The following MTOR variants were observed in gnomAD, a reference collection of about 807,000 sequenced individuals.
The protein encoded by MTOR is serine/threonine-protein kinase mTOR.
A neutral mutation model predicts 319.8 loss-of-function variants in MTOR; 70 were observed. The ratio of observed to expected loss-of-function variants is 0.22; its 90% CI spans 0.18 to 0.27. MTOR has a LOEUF of 0.27. Among genes scored for constraint, MTOR ranks in the 10% least tolerant of loss-of-function variants. The pLI, the probability that MTOR is intolerant of heterozygous loss-of-function variation, is 1.00. For missense variants in MTOR, 1,890 were observed against 3,274.4 expected (o/e 0.58, Z 10.32); for synonymous variants, 1,183 against 1,211.4 (o/e 0.98, Z 0.49).
At chr1:11,251,650 AGTTT>A (rs1279288363) in intron 6 of MTOR, among the ~76,000 whole-genome samples, 1 of 137,654 alleles carries the variant, frequency 7.3e-6, no homozygotes, top group Non-Finnish European at 1.5e-5. Flanking sequence ...ATATTTAGAT[AGTTT>A]CTTTTTTTTT....
At chr1:11,116,875 G>A (rs1329864379) in intron 50 of MTOR, 129 bp downstream of exon 50, 4 of 697,372 alleles carry the variant, frequency 5.7e-6, no homozygotes, top group Non-Finnish European at 9.9e-6. Context: ...TTGTAAAAGA[G>A]ACCTTACATA....
intron 28 of MTOR, among the ~76,000 whole-genome samples, chr1:11,171,050 C>A (rs1328867133): frequency 6.6e-6 from 1 of 150,890 alleles, no homozygotes. Flanking sequence ...CAAAAATTAG[C>A]TGGGCGTGGT....
Position 11,241,780 on chromosome 1 carries a change from A to G in MTOR, c.1413-99T>C, listed in dbSNP as rs1648069037. 3 of 1,421,784 alleles carry G rather than the reference A, an allele frequency of 2.1e-6. No homozygotes were observed. The African/African-American group carries it at 4.2e-5, about 20-fold the overall frequency. The allele number at this position is 1,421,784 out of a possible 1,614,324, so 88.1% of individuals were successfully genotyped here. A position where few individuals can be genotyped will look rare whatever the true frequency, so the allele number is the denominator to read the frequency against. On this transcript the variant is annotated intron_variant, in intron 9 of 57. Coordinates refer to ENST00000361445, the MANE Select transcript of MTOR (RefSeq NM_004958.4). The stretch of plus-strand genomic sequence containing the variant: ...GGCAAGGAGAGCAGGTTACTCAGGC[A>G]GGGCTACCACAGATGGGTATGCAAA...
intron 30 of MTOR, among the ~76,000 whole-genome samples, chr1:11,154,068 CAAAAAAAAAAAAAAAAAAAAA>C (rs70977548): frequency 3.1e-4 from 4 of 13,054 alleles, no homozygotes; most frequent in African/African-American, 5.2e-4. Context: ...GACTCTGTCT[CAAAAAAAAAAAAAAAAAAAAA>C]AAAAAAAAAA....
chr1:11,114,793 C>T lies in MTOR; in HGVS notation c.7164+20G>A, dbSNP rs1148477. On this transcript the variant is annotated intron_variant, in intron 52 of 57. Transcript: ENST00000361445. ...GTCCTGATCCCATTTGGAAGCAGCT[C>T]GTTCCCGATATCCACTCACCTCCAT... 3,356 of 1,612,142 alleles carry T rather than the reference C, an allele frequency of 2.1e-3. 90 individuals carry two copies. The African/African-American group carries it at 0.039, about 19-fold the overall frequency.
At chr1:11,232,811 G>T (rs965289014) in intron 15 of MTOR, among the ~76,000 whole-genome samples, 3 of 150,934 alleles carry the variant, frequency 2.0e-5, no homozygotes, top group African/African-American at 7.3e-5. Flanking sequence ...GGAGATGGAG[G>T]TTGCAGTGAG....
intron 13 of MTOR, among the ~76,000 whole-genome samples, chr1:11,236,609 G>A (rs1647261733): frequency 6.6e-6 from 1 of 150,988 alleles, no homozygotes; most frequent in Non-Finnish European, 1.5e-5. Flanking sequence ...CTGGGTTCAA[G>A]CAATTCTCCC....
At chr1:11,224,279 A>G (rs10779751) in intron 19 of MTOR, among the ~76,000 whole-genome samples, 97,690 of 151,898 alleles carry the variant, frequency 0.64, 33,766 homozygotes, top group East Asian at 0.91. Flanking sequence ...AAAAGCTGGT[A>G]CAGCTATATT....
Position 11,210,997 on chromosome 1 carries a change from C to G in MTOR, c.3562-91G>C, listed in dbSNP as rs1432776245. 1.2e-5 allele frequency: 9 copies of G among 738,980 alleles called. 1 individual carries two copies. The Admixed American group carries it at 1.4e-4, about 11-fold the overall frequency. The allele number at this position is 738,980 out of a possible 1,614,324, so 45.8% of individuals were successfully genotyped here. On this transcript the variant is annotated intron_variant, in intron 23 of 57. Coordinates refer to ENST00000361445, the MANE Select transcript of MTOR (RefSeq NM_004958.4). ...AAATATTATACAACTACATTATGAC[C>G]ATTTCTTCTGGGTTTGTGGCTAGCT... is the stretch of plus-strand genomic sequence containing the variant.
At chr1:11,156,635 A>G (rs992201101) in intron 30 of MTOR, among the ~76,000 whole-genome samples, 2 of 152,128 alleles carry the variant, frequency 1.3e-5, no homozygotes, top group African/African-American at 4.8e-5. Context: ...CTCAGGCTAT[A>G]ATAACCCTCT....
chr1:11,136,539 A>T (rs543794655), intron 36 of MTOR, among the ~76,000 whole-genome samples: 5 of 152,230 alleles, frequency 3.3e-5, no homozygotes, highest in Admixed American at 2.0e-4. Context: ...TCACTCTGTT[A>T]CCCAGGCTGG....
chr1:11,227,994 G>A (rs1352128791), intron 19 of MTOR, among the ~76,000 whole-genome samples: 1 of 152,080 alleles, frequency 6.6e-6, no homozygotes, highest in Non-Finnish European at 1.5e-5. Flanking sequence ...CCAACTGGTG[G>A]CAGTATGAGA....
chr1:11,204,475 C>G lies in MTOR; in HGVS notation c.3944+86G>C, dbSNP rs559969508. On this transcript the variant is annotated intron_variant, in intron 26 of 57. Coordinates refer to ENST00000361445, the MANE Select transcript of MTOR (RefSeq NM_004958.4). ...ATTAGAAAAATTAAAAATACCAGCC[C>G]CTTGATTATTACTTCTAATAAAAAC... is the stretch of plus-strand genomic sequence containing the variant. 95 of 1,450,878 alleles carry G rather than the reference C, an allele frequency of 6.5e-5. No homozygotes were observed. The African/African-American group carries it at 1.2e-3, about 18-fold the overall frequency. The allele number at this position is 1,450,878 out of a possible 1,614,324, so 89.9% of individuals were successfully genotyped here.
At chr1:11,226,194 T>C (rs1165206110) in intron 19 of MTOR, 1 of 152,136 alleles carries the variant, frequency 6.6e-6, no homozygotes, top group East Asian at 1.9e-4. Context: ...TATACATTCA[T>C]AATAAAACTC....
At chr1:11,125,590 T>C (rs1195725931) in intron 46 of MTOR, among the ~76,000 whole-genome samples, 1 of 148,754 alleles carries the variant, frequency 6.7e-6, no homozygotes, top group Admixed American at 6.7e-5. Context: ...AATTAGCTGA[T>C]TGTGTGGCAT....
chr1:11,225,422 CTTTTTT>C (rs201304113), intron 19 of MTOR, among the ~76,000 whole-genome samples: 1 of 137,078 alleles, frequency 7.3e-6, no homozygotes, highest in Non-Finnish European at 1.6e-5. Flanking sequence ...AAAATTGGTT[CTTTTTT>C]TTTTTTTTTT....
chr1:11,257,241 G>T, intron 3 of MTOR, 76 bp from the exon 4 acceptor site: 1 of 1,296,154 alleles, frequency 7.7e-7, no homozygotes, highest in Non-Finnish European at 1.1e-6. Context: ...TCAACTAAAA[G>T]CTGGTGAGTG....
At chr1:11,137,266 C>A in intron 36 of MTOR, among the ~76,000 whole-genome samples, 1 of 148,676 alleles carries the variant, frequency 6.7e-6, no homozygotes, top group East Asian at 2.0e-4. Context: ...AGGAGCTAAA[C>A]TAGGAACTCT....
chr1:11,210,521 G>A (rs1646276057), intron 24 of MTOR, among the ~76,000 whole-genome samples: 1 of 152,160 alleles, frequency 6.6e-6, no homozygotes, highest in East Asian at 1.9e-4. Flanking sequence ...AAAGAAGATT[G>A]ATATTTTGCA....
Sources: allele counts gnomAD v4.1 joint callset (sites outside exome capture counted in the v4.1 genomes callset), GRCh38; gene constraint gnomAD v4.1.1; transcripts MANE v1.5; gene names NCBI Gene and HGNC (gene_info 2026-07-23, HGNC 2026-07-21).